PRMT8: variants seen among roughly 807,000 people sequenced by gnomAD.
The protein encoded by PRMT8 is protein arginine N-methyltransferase 8.
In PRMT8, 7 loss-of-function variants were observed where a neutral mutation model predicts 47.1. The ratio of observed to expected loss-of-function variants is 0.15; its 90% CI spans 0.08 to 0.28. The LOEUF (loss-of-function observed/expected upper bound fraction) is 0.28, where lower values mean the gene tolerates loss of function less well. Among genes scored for constraint, PRMT8 ranks in the 10% least tolerant of loss-of-function variants. The pLI is 1.00. For synonymous variants in PRMT8, 188 were observed against 186.5 expected, an observed-to-expected ratio of 1.01 and a Z score of -0.07; for missense variants, 237 against 505.4, an observed-to-expected ratio of 0.47 and a Z score of 5.09.
At chr12:3,536,818 T>C (rs1866126162) in intron 1 of PRMT8, among the ~76,000 whole-genome samples, 1 of 152,182 alleles carries the variant, frequency 6.6e-6, no homozygotes, top group African/African-American at 2.4e-5. Context: ...GTCATGATCA[T>C]ATTTTTGTGT....
At chr12:3,577,101 T>A in intron 7 of PRMT8, 115 bp downstream of exon 7, 1 of 846,098 alleles carries the variant, frequency 1.2e-6, no homozygotes, top group East Asian at 2.5e-5. Flanking sequence ...CAAGGCTGCC[T>A]TGGCCAGAGC....
At chr12:3,412,067 G>T (rs1205893415) in intron 1 of PRMT8, among the ~76,000 whole-genome samples, 2 of 152,134 alleles carry the variant, frequency 1.3e-5, no homozygotes, top group African/African-American at 4.8e-5. Flanking sequence ...TTTTATTGTT[G>T]TACTAACGTC....
chr12:3,578,232 T>TA (rs1866984810), intron 7 of PRMT8, among the ~76,000 whole-genome samples: 1 of 151,066 alleles, frequency 6.6e-6, no homozygotes, highest in Non-Finnish European at 1.5e-5. Context: ...CACAAGCTAT[T>TA]TTTTTTTTGA....
chr12:3,381,454 T>C, intron 1 of PRMT8: 1 of 1,535,922 alleles, frequency 6.5e-7, no homozygotes, highest in Non-Finnish European at 8.7e-7. Context: ...TAAGTCAGCT[T>C]GTATGGTAAT....
At chr12:3,540,938 C>A in intron 2 of PRMT8, 147 bp downstream of exon 2, 1 of 1,000,388 alleles carries the variant, frequency 1.0e-6, no homozygotes. Flanking sequence ...TTCTCCAATC[C>A]GGGGGGCCCC....
chr12:3,395,783 C>T (rs1208655450), intron 1 of PRMT8, among the ~76,000 whole-genome samples: 7 of 151,256 alleles, frequency 4.6e-5, no homozygotes, highest in South Asian at 2.1e-4. Context: ...CTTTCTGTCT[C>T]GTTGATCTGT....
intron 1 of PRMT8, among the ~76,000 whole-genome samples, chr12:3,443,241 G>A (rs975793628): frequency 1.4e-4 from 22 of 152,164 alleles, no homozygotes; most frequent in Admixed American, 1.2e-3. Flanking sequence ...CACAGTTCCT[G>A]GCAGGTGTTA....
chr12:3,568,916 A>G, intron 5 of PRMT8, 68 bp downstream of exon 5: 1 of 1,595,418 alleles, frequency 6.3e-7, no homozygotes, highest in South Asian at 1.1e-5. Context: ...CAAGGCCTGC[A>G]GCCTAGGAGG....
intron 1 of PRMT8, among the ~76,000 whole-genome samples, chr12:3,507,295 G>A (rs562173306): frequency 1.3e-5 from 2 of 151,878 alleles, no homozygotes; most frequent in South Asian, 4.2e-4. Context: ...CTAATTTTTT[G>A]TATTTTTAGT....
At chr12:3,468,511 C>T (rs1865126587) in intron 1 of PRMT8, among the ~76,000 whole-genome samples, 1 of 152,214 alleles carries the variant, frequency 6.6e-6, no homozygotes, top group Non-Finnish European at 1.5e-5. Flanking sequence ...ACGCCAGCTC[C>T]TCCCAACACT....
exon 1 of PRMT8, chr12:3,381,425 C>G (rs757785345): frequency 3.3e-6 from 5 of 1,535,980 alleles, no homozygotes; most frequent in Non-Finnish European, 4.4e-6. Context: ...TGGATTCAAG[C>G]TGAAAGAGGT....
At chr12:3,440,899 G>C (rs918059290) in intron 1 of PRMT8, among the ~76,000 whole-genome samples, 3 of 152,154 alleles carry the variant, frequency 2.0e-5, no homozygotes, top group African/African-American at 7.2e-5. Flanking sequence ...GATCAGACAA[G>C]AACTTGCCTT....
chr12:3,558,965 T>TCTATCTATCTAC (rs1240356996), intron 4 of PRMT8, among the ~76,000 whole-genome samples: 2 of 140,972 alleles, frequency 1.4e-5, no homozygotes, highest in African/African-American at 5.9e-5. Flanking sequence ...TATCTACCTA[T>TCTATCTATCTAC]CTATCTATCT....
At chr12:3,400,200 CA>C (rs1186093135) in intron 1 of PRMT8, among the ~76,000 whole-genome samples, 1 of 151,702 alleles carries the variant, frequency 6.6e-6, no homozygotes, top group Non-Finnish European at 1.5e-5. Context: ...AAAAACCCTT[CA>C]AAAAATCAAC....
intron 9 of PRMT8, 92 bp downstream of exon 9, chr12:3,592,444 A>G (rs1867328363): frequency 5.7e-6 from 8 of 1,409,826 alleles, no homozygotes; most frequent in Non-Finnish European, 5.7e-6. Context: ...TAAGTGTCTC[A>G]TGAACAGTCA....
chr12:3,591,965 C>A (rs1043594873), intron 8 of PRMT8, among the ~76,000 whole-genome samples: 1 of 152,036 alleles, frequency 6.6e-6, no homozygotes, highest in African/African-American at 2.4e-5. Context: ...CTTGTAGTAT[C>A]GGGTTGTTTG....
At chr12:3,534,545 T>C (rs1024140250) in intron 1 of PRMT8, among the ~76,000 whole-genome samples, 8 of 152,190 alleles carry the variant, frequency 5.3e-5, no homozygotes, top group Admixed American at 6.5e-5. Flanking sequence ...CCTAAACAAA[T>C]TCCTTTCCTT....
chr12:3,482,105 C>T (rs185015053), intron 1 of PRMT8, among the ~76,000 whole-genome samples: 3 of 152,272 alleles, frequency 2.0e-5, no homozygotes, highest in Non-Finnish European at 2.9e-5. Flanking sequence ...TCAGAGCCCT[C>T]CAGTCACAAA....
intron 1 of PRMT8, among the ~76,000 whole-genome samples, chr12:3,531,173 G>A (rs1866025076): frequency 6.6e-6 from 1 of 151,564 alleles, no homozygotes; most frequent in Non-Finnish European, 1.5e-5. Flanking sequence ...GGCAAGGTGA[G>A]GGTAAGAGAG....
Sources: allele counts gnomAD v4.1 joint callset (sites outside exome capture counted in the v4.1 genomes callset), GRCh38; gene constraint gnomAD v4.1.1; transcripts MANE v1.5; gene names NCBI Gene and HGNC (gene_info 2026-07-23, HGNC 2026-07-21).